CDH19: variants seen among roughly 807,000 people sequenced by gnomAD.
CDH19 encodes the protein cadherin-19.
CDH19 carries 67 observed loss-of-function variants against 64.2 expected under a neutral mutation model. The ratio of observed to expected loss-of-function variants is 1.04; its 90% confidence interval spans 0.86 to 1.28. The LOEUF is 1.28. Ranked by LOEUF, CDH19 falls within the 50% of genes most tolerant of loss-of-function variation. CDH19 has a pLI of 0.00. For missense variants in CDH19, 1,030 were observed against 929.0 expected, an observed-to-expected ratio of 1.11 and a Z score of -1.41; for synonymous variants, 346 against 319.3, an observed-to-expected ratio of 1.08 and a Z score of -0.89.
chr18:66,593,677 T>C (rs1316759792), intron 1 of CDH19, among the ~76,000 whole-genome samples: 3 of 152,118 alleles, frequency 2.0e-5, no homozygotes, highest in Non-Finnish European at 4.4e-5. Flanking sequence ...ATAATTCTGG[T>C]TATTTCTTCC....
At chr18:66,596,791 AATC>A (rs1227336376) in intron 1 of CDH19, among the ~76,000 whole-genome samples, 2 of 151,910 alleles carry the variant, frequency 1.3e-5, no homozygotes, top group African/African-American at 2.4e-5. Context: ...AATTAAAAAA[AATC>A]ATACTAGGCC....
chr18:66,531,143 A>G (rs1247517896), intron 8 of CDH19, among the ~76,000 whole-genome samples: 4 of 152,118 alleles, frequency 2.6e-5, no homozygotes, highest in South Asian at 2.1e-4. Flanking sequence ...CTGTGACCCA[A>G]TCTGTTAAAC....
chr18:66,583,182 C>T (rs887670688), intron 1 of CDH19, among the ~76,000 whole-genome samples: 2 of 151,844 alleles, frequency 1.3e-5, no homozygotes, highest in Non-Finnish European at 2.9e-5. Flanking sequence ...GCCTTTGGTG[C>T]TCTCAGTGTT....
chr18:66,557,915 A>G (rs949507791), intron 3 of CDH19, among the ~76,000 whole-genome samples: 9 of 151,670 alleles, frequency 5.9e-5, no homozygotes, highest in African/African-American at 2.2e-4. Context: ...GGGGTTCCCT[A>G]TATTTGTATA....
intron 9 of CDH19, among the ~76,000 whole-genome samples, chr18:66,518,705 A>C (rs1283952396): frequency 1.3e-5 from 2 of 152,158 alleles, no homozygotes; most frequent in South Asian, 2.1e-4. Flanking sequence ...ATAACATGAA[A>C]ATTAACTGTA....
intron 11 of CDH19, among the ~76,000 whole-genome samples, chr18:66,505,644 A>G (rs2144327209): frequency 6.7e-6 from 1 of 149,922 alleles, no homozygotes; most frequent in Non-Finnish European, 1.5e-5. Context: ...TTCTTCTCAA[A>G]TATTAAAATA....
intron 3 of CDH19, among the ~76,000 whole-genome samples, chr18:66,567,715 A>G (rs933009972): frequency 1.3e-5 from 2 of 151,848 alleles, no homozygotes; most frequent in African/African-American, 4.8e-5. Context: ...TGTTAAGTAA[A>G]TTTTTGAATT....
intron 1 of CDH19, among the ~76,000 whole-genome samples, chr18:66,597,212 GTAC>G (rs1988923361): frequency 7.7e-6 from 1 of 130,470 alleles, no homozygotes; most frequent in Non-Finnish European, 1.6e-5. Flanking sequence ...ACTTAAAAGT[GTAC>G]TACAAGGCTA....
intron 3 of CDH19, among the ~76,000 whole-genome samples, chr18:66,558,512 T>A (rs981632825): frequency 6.6e-6 from 1 of 151,810 alleles, no homozygotes; most frequent in Non-Finnish European, 1.5e-5. Flanking sequence ...TCGGCAGAAA[T>A]CCTCAAGAAA....
chr18:66,560,752 T>C (rs901565620), intron 3 of CDH19, among the ~76,000 whole-genome samples: 1 of 152,056 alleles, frequency 6.6e-6, no homozygotes, highest in African/African-American at 2.4e-5. Flanking sequence ...GGGTGCATTA[T>C]CTGATAAGAA....
At chr18:66,585,819 T>A (rs1450728068) in intron 1 of CDH19, among the ~76,000 whole-genome samples, 1 of 152,142 alleles carries the variant, frequency 6.6e-6, no homozygotes, top group African/African-American at 2.4e-5. Context: ...ATTTTTTTTC[T>A]AAGCATGGTT....
chr18:66,561,321 T>C (rs535725133), intron 3 of CDH19, among the ~76,000 whole-genome samples: 1 of 152,212 alleles, frequency 6.6e-6, no homozygotes, highest in African/African-American at 2.4e-5. Flanking sequence ...AGAACTGTCC[T>C]GGGTAAAACT....
intron 1 of CDH19, among the ~76,000 whole-genome samples, chr18:66,582,143 G>T (rs958054000): frequency 1.3e-5 from 2 of 151,996 alleles, no homozygotes; most frequent in Non-Finnish European, 2.9e-5. Context: ...ACATTTTAAC[G>T]TTTGGACCAT....
At position 66,546,365 on chromosome 18, in the gene CDH19, A is replaced by C. The variant is rs180994915; in HGVS notation, c.776-1462T>G. On this transcript the variant is annotated intron_variant, in intron 5 of 11. Transcript: ENST00000262150. ...TGTTTATGTTATTGGAAGATTAAAAATCACTGACATTAATCTGTAGAAAAC... is the reference window on the plus strand; with the variant it reads ...TGTTTATGTTATTGGAAGATTAAAACTCACTGACATTAATCTGTAGAAAAC... Among the ~76,000 whole-genome samples, 83 of 152,308 alleles carry C rather than the reference A, an allele frequency of 5.4e-4. 1 individual carries two copies. The highest frequency in any genetic ancestry group is 2.4e-4 in the Non-Finnish European group (16 of 68,020).
chr18:66,597,113 G>T (rs1368517288), intron 1 of CDH19, among the ~76,000 whole-genome samples: 4 of 114,898 alleles, frequency 3.5e-5, no homozygotes, highest in East Asian at 2.6e-4. Flanking sequence ...TCATACTAAT[G>T]TTCACAGGAA....
rs1985034441 is a variant in CDH19, at chr18:66,503,467, T to G, written c.*1345A>C. 1 of 151,876 alleles carries G rather than the reference T, an allele frequency of 6.6e-6. No homozygotes were observed. Among genetic ancestry groups the G allele is most frequent in the African/African-American group, 2.4e-5 (1 of 41,434 alleles). The allele number at this position is 151,876 out of a possible 1,614,324, so 9.4% of individuals were successfully genotyped here. A position where few individuals can be genotyped will look rare whatever the true frequency, so the allele number is the denominator to read the frequency against. On this transcript the variant is annotated 3_prime_UTR_variant, in exon 12 of 12. Transcript: ENST00000262150. ...AGTCAGTTCAGTTGATCATAATATT[T>G]ACAGTGAATAGTAACTGAAGTTTGA...
At chr18:66,558,626 C>T (rs2144537519) in intron 3 of CDH19, among the ~76,000 whole-genome samples, 1 of 151,980 alleles carries the variant, frequency 6.6e-6, no homozygotes, top group Middle Eastern at 3.4e-3. Context: ...TTTATAAAGA[C>T]TTGTTATTTG....
At chr18:66,567,989 C>A (rs956505944) in intron 3 of CDH19, among the ~76,000 whole-genome samples, 1 of 151,716 alleles carries the variant, frequency 6.6e-6, no homozygotes, top group Non-Finnish European at 1.5e-5. Flanking sequence ...GTGGTTTTTT[C>A]TTCATGATTT....
intron 5 of CDH19, among the ~76,000 whole-genome samples, chr18:66,548,411 T>A (rs1267115299): frequency 5.3e-5 from 8 of 151,304 alleles, no homozygotes; most frequent in African/African-American, 1.5e-4. Flanking sequence ...CTGGATAAGA[T>A]CATAAAGGAA....
Sources: gnomAD v4.1 joint callset for allele counts (sites outside exome capture counted in the v4.1 genomes callset) on GRCh38, gnomAD v4.1.1 for gene constraint, MANE v1.5 for transcripts, NCBI Gene and HGNC (gene_info 2026-07-23, HGNC 2026-07-21) for gene names.